WLS: variants seen among roughly 807,000 people sequenced by gnomAD.
The protein encoded by WLS is protein wntless homolog.
Under a neutral mutation model 62.8 loss-of-function variants are expected in WLS, and 23 were observed. That is an observed-to-expected ratio of 0.37 (90% confidence interval 0.26 to 0.52). The LOEUF (loss-of-function observed/expected upper bound fraction) is 0.52, where lower values mean the gene tolerates loss of function less well. Among genes scored for constraint, WLS ranks in the 20% least tolerant of loss-of-function variants. The pLI, the probability that WLS is intolerant of heterozygous loss-of-function variation, is 0.92. For synonymous variants in WLS, 246 were observed against 244.1 expected (o/e 1.01, Z -0.07); for missense variants, 615 against 697.3 (o/e 0.88, Z 1.33).
rs563915102 is a variant in WLS, at chr1:68,113,679, A to G, written c.1511-14926T>C. On this transcript the variant is annotated intron_variant, in intron 11 of 11. Transcript: ENST00000354777. ...CAAGTCTGGTGTGTGGAGCAGCTGC[A>G]TCAGCACCTCCAGGGAGCATGTTAG... Among the ~76,000 whole-genome samples, 5 of 152,172 alleles carry G rather than the reference A, an allele frequency of 3.3e-5. No individual in the cohort carries two copies. In the East Asian group the frequency reaches 9.6e-4, roughly 29 times the overall value.
intron 2 of WLS, among the ~76,000 whole-genome samples, chr1:68,190,313 T>C (rs190466566): frequency 1.3e-5 from 2 of 152,358 alleles, no homozygotes; most frequent in Admixed American, 1.3e-4. Context: ...CATTGAAAAG[T>C]ATGCCAGCAG....
chr1:68,177,607 C>T (rs1448440778), intron 2 of WLS, among the ~76,000 whole-genome samples: 2 of 152,150 alleles, frequency 1.3e-5, no homozygotes, highest in Non-Finnish European at 2.9e-5. Context: ...AGTCCTCCTA[C>T]CTCAGCCTCC....
At chr1:68,150,079 T>C in intron 6 of WLS, 109 bp downstream of exon 6, 7 of 1,184,612 alleles carry the variant, frequency 5.9e-6, no homozygotes, top group Admixed American at 2.3e-5. Flanking sequence ...AACTACTAGT[T>C]TATTCTGTCT....
downstream of WLS, among the ~76,000 whole-genome samples, chr1:68,120,572 CCTCT>C (rs1240053002): frequency 6.6e-6 from 1 of 152,238 alleles, no homozygotes; most frequent in Non-Finnish European, 1.5e-5. Context: ...GGTCACTTCA[CCTCT>C]CTGAGTCTCA....
At chr1:68,109,810 A>C (rs560730216) in intron 11 of WLS, among the ~76,000 whole-genome samples, 1 of 152,198 alleles carries the variant, frequency 6.6e-6, no homozygotes, top group African/African-American at 2.4e-5. Flanking sequence ...ACTACAGCAA[A>C]GGGATTTTAA....
chr1:68,168,182 A>C (rs1647090157), intron 2 of WLS, among the ~76,000 whole-genome samples: 1 of 152,166 alleles, frequency 6.6e-6, no homozygotes, highest in Non-Finnish European at 1.5e-5. Context: ...GCTTAATGTA[A>C]GAATGGTCCC....
chr1:68,130,395 G>T (rs1008465782), intron 11 of WLS, among the ~76,000 whole-genome samples: 1 of 152,136 alleles, frequency 6.6e-6, no homozygotes, highest in Non-Finnish European at 1.5e-5. Flanking sequence ...GTTCATATTT[G>T]TTCTCAAGGT....
intron 2 of WLS, among the ~76,000 whole-genome samples, chr1:68,180,947 A>G (rs557824942): frequency 6.6e-6 from 1 of 152,340 alleles, no homozygotes; most frequent in South Asian, 2.1e-4. Context: ...GACTCACTAA[A>G]GCAAAAGAGG....
At chr1:68,157,602 A>G (rs992021579) in intron 3 of WLS, among the ~76,000 whole-genome samples, 2 of 151,492 alleles carry the variant, frequency 1.3e-5, no homozygotes, top group African/African-American at 4.9e-5. Context: ...TAACTTCACA[A>G]TCCACCAGGG....
At chr1:68,153,493 G>A (rs202143692) in intron 5 of WLS, 24 bp downstream of exon 5, 21 of 1,613,722 alleles carry the variant, frequency 1.3e-5, no homozygotes, top group African/African-American at 1.1e-4. Context: ...TATTCCTGAA[G>A]AGCGCTCCAA....
intron 2 of WLS, chr1:68,186,393 T>C (rs1042314014): frequency 4.0e-5 from 13 of 326,526 alleles, no homozygotes; most frequent in Non-Finnish European, 7.8e-5. Context: ...ATGAAAACAC[T>C]AACCAGATAT....
intron 11 of WLS, among the ~76,000 whole-genome samples, chr1:68,109,718 C>CCTTCTTTCTT: frequency 6.6e-6 from 1 of 151,822 alleles, no homozygotes; most frequent in Non-Finnish European, 1.5e-5. Flanking sequence ...AAAGAAGGAT[C>CCTTCTTTCTT]AATAATCATT....
chr1:68,106,043 T>A (rs780144978), intron 11 of WLS, among the ~76,000 whole-genome samples: 57 of 152,184 alleles, frequency 3.7e-4, no homozygotes, highest in East Asian at 1.4e-3. Flanking sequence ...AGTGTTAATA[T>A]GAAAAATCAA....
chr1:68,225,999 A>G (rs1421401758), intron 1 of WLS, among the ~76,000 whole-genome samples: 2 of 152,182 alleles, frequency 1.3e-5, no homozygotes, highest in African/African-American at 4.8e-5. Flanking sequence ...ACTTGAATGG[A>G]ATTGGTTGGA....
At chr1:68,189,404 TA>T (rs1648161501) in intron 2 of WLS, among the ~76,000 whole-genome samples, 1 of 152,240 alleles carries the variant, frequency 6.6e-6, no homozygotes, top group African/African-American at 2.4e-5. Context: ...GTGAACAGTA[TA>T]TTTTTTCTTT....
chr1:68,196,984 A>G (rs901008370), intron 1 of WLS, among the ~76,000 whole-genome samples: 4 of 152,172 alleles, frequency 2.6e-5, no homozygotes, highest in African/African-American at 9.6e-5. Context: ...AAAGTCATGA[A>G]TTCTATTTTC....
chr1:68,190,463 G>A (rs754678970), intron 2 of WLS, among the ~76,000 whole-genome samples: 31 of 152,300 alleles, frequency 2.0e-4, no homozygotes, highest in Middle Eastern at 3.4e-3. Flanking sequence ...ATGGAATGTC[G>A]TTTGCAAGAT....
chr1:68,115,481 A>G (rs529817329), intron 11 of WLS, among the ~76,000 whole-genome samples: 3 of 152,310 alleles, frequency 2.0e-5, no homozygotes, highest in Admixed American at 2.0e-4. Context: ...GGTGGTGATA[A>G]TGAAGTCAGT....
chr1:68,109,434 C>T (rs932648869), intron 11 of WLS, among the ~76,000 whole-genome samples: 13 of 152,102 alleles, frequency 8.5e-5, no homozygotes, highest in Non-Finnish European at 1.0e-4. Flanking sequence ...ATGAGGTATG[C>T]CAGACTTCTA....
Sources: allele counts gnomAD v4.1 joint callset (sites outside exome capture counted in the v4.1 genomes callset), GRCh38; gene constraint gnomAD v4.1.1; transcripts MANE v1.5; gene names NCBI Gene and HGNC (gene_info 2026-07-23, HGNC 2026-07-21).